The following CCDC157 variants were observed in gnomAD, a reference collection of about 807,000 sequenced individuals.
The protein encoded by CCDC157 is coiled-coil domain containing 157, also known as coiled-coil domain-containing protein 157.
CCDC157 carries 60 observed loss-of-function variants against 70.9 expected under a neutral mutation model. That is an observed-to-expected ratio of 0.85 (90% CI 0.69 to 1.05). The LOEUF is 1.05. Among genes scored for constraint, CCDC157 ranks in the 50% least tolerant of loss-of-function variants. The probability of loss-of-function intolerance (pLI) is 0.00; values close to 1 mark genes in which losing one functional copy is unlikely to be tolerated. For synonymous variants in CCDC157, 373 were observed against 422.4 expected, an observed-to-expected ratio of 0.88 and a Z score of 1.43; for missense variants, 943 against 984.2, an observed-to-expected ratio of 0.96 and a Z score of 0.56.
chr22:30,373,957 G>T lies in CCDC157; in HGVS notation c.1538G>T (p.Gly513Val), dbSNP rs1483784989. The T allele has an allele frequency of 1.2e-6, 2 of 1,612,528 alleles. No homozygotes were observed. The highest frequency in any genetic ancestry group is 4.5e-5 in the East Asian group (2 of 44,856). ...CAGAGCCTGCAGAGGGAGAAGCAAG[G>T]CCTGGAGCAGGCGACTACGGACCTG... ...LLQSLQREKQ[G>V]LEQATTDLRL... Residue 513 changes from glycine (G) to valine (V), a missense_variant, in exon 9 of 12, where the codon GGC (glycine) becomes GTC (valine). Gly to Val is a moderately radical substitution (Grantham distance 109). Coordinates refer to ENST00000338306, the MANE Select transcript of CCDC157 (RefSeq NM_001017437.5).
chr22:30,356,830 C>A, upstream of CCDC157: 4 of 1,310,284 alleles, frequency 3.1e-6, no homozygotes, highest in Non-Finnish European at 2.9e-6. Context: ...GCCTCGGTGT[C>A]GGTGAGCGGT....
Position 30,366,256 on chromosome 22 carries a change from C to A in CCDC157, c.248+8C>A, listed in dbSNP as rs377414522. 3.1e-6 allele frequency: 5 copies of A among 1,613,554 alleles called. No homozygotes were observed. Among genetic ancestry groups the A allele is most frequent in the Non-Finnish European group, 3.4e-6 (4 of 1,179,798 alleles). ...GGAGCTGGTCATCGACAGGTGAGGG[C>A]CTTGACCAAGCCTGGTCATCTCAGG... On this transcript the variant is annotated splice_region_variant and intron_variant, in intron 3 of 11. Coordinates refer to ENST00000338306, the MANE Select transcript of CCDC157 (RefSeq NM_001017437.5).
chr22:30,363,448 C>G (rs1932490182), intron 2 of CCDC157, among the ~76,000 whole-genome samples: 1 of 152,006 alleles, frequency 6.6e-6, no homozygotes, highest in Non-Finnish European at 1.5e-5. Flanking sequence ...GACCAAGCAC[C>G]TTACTCATGA....
At chr22:30,374,122 G>T in intron 9 of CCDC157, 31 bp downstream of exon 9, 1 of 1,564,402 alleles carries the variant, frequency 6.4e-7, no homozygotes, top group Non-Finnish European at 8.7e-7. Context: ...CCAAGGGCAT[G>T]CTGGGGCTCA....
chr22:30,372,367 G>GA, intron 7 of CCDC157, 81 bp downstream of exon 7: 4 of 1,436,290 alleles, frequency 2.8e-6, no homozygotes, highest in Non-Finnish European at 3.6e-6. Context: ...GGGAATGGGG[G>GA]ATCATCTATA....
chr22:30,368,826 C>T (rs1932817948), intron 3 of CCDC157: 1 of 152,244 alleles, frequency 6.6e-6, no homozygotes, highest in Non-Finnish European at 1.5e-5. Context: ...GCAAACTTAG[C>T]TTTTTATTAT....
intron 5 of CCDC157, 118 bp from the exon 6 acceptor site, chr22:30,371,532 C>T (rs1160690789): frequency 9.8e-6 from 8 of 819,990 alleles, no homozygotes; most frequent in East Asian, 2.6e-5. Context: ...CTCCCATGGC[C>T]GCAGGCGGCC....
intron 3 of CCDC157, among the ~76,000 whole-genome samples, chr22:30,368,649 G>A (rs1352826013): frequency 6.6e-6 from 1 of 152,146 alleles, no homozygotes; most frequent in African/African-American, 2.4e-5. Flanking sequence ...AGAGAGGGGC[G>A]GGGCCTTGGA....
chr22:30,375,633 C>G lies in CCDC157; in HGVS notation c.1827C>G (p.Ile609Met), dbSNP rs1409597974. The change falls in exon 10 of 12, where the codon ATC becomes ATG. Residue 609 changes from isoleucine to methionine, a missense_variant. Transcript: ENST00000338306. ...GGCTCCAATCAATGCTGTCCAAAAT[C>G]CGGGAAGTGGCCCAGCAGGGTGGCC... Reference protein sequence around the residue: ...NGRLQSMLSKIREVAQQGGLK... With the variant: ...NGRLQSMLSKMREVAQQGGLK... 2 of 1,613,824 alleles carry G rather than the reference C, an allele frequency of 1.2e-6. No homozygotes were observed. Among genetic ancestry groups the G allele is most frequent in the East Asian group, 2.2e-5 (1 of 44,892 alleles).
At position 30,376,920 on chromosome 22, in the gene CCDC157, G is replaced by A. The variant is rs1011581069; in HGVS notation, c.*175G>A. ...ACTGAGTCCCCAGCCATGTAGTTCAGTCAGTCAGCAGAGTCCTGGCACTAT... is the reference window on the plus strand; with the variant it reads ...ACTGAGTCCCCAGCCATGTAGTTCAATCAGTCAGCAGAGTCCTGGCACTAT... On this transcript the variant is annotated 3_prime_UTR_variant, in exon 12 of 12. Coordinates refer to ENST00000338306, the MANE Select transcript of CCDC157 (RefSeq NM_001017437.5). 7 of 647,854 alleles carry A rather than the reference G, an allele frequency of 1.1e-5. No individual in the cohort carries two copies. Among genetic ancestry groups the A allele is most frequent in the Non-Finnish European group, 2.6e-6 (1 of 380,022 alleles). The allele number at this position is 647,854 out of a possible 1,614,324, so 40.1% of individuals were successfully genotyped here. A position where few individuals can be genotyped will look rare whatever the true frequency, so the allele number is the denominator to read the frequency against.
intron 3 of CCDC157, chr22:30,366,554 G>A: frequency 2.3e-6 from 1 of 439,890 alleles, no homozygotes; most frequent in Non-Finnish European, 4.4e-6. Context: ...GCCTCTCCCA[G>A]CTGCCTCCTC....
chr22:30,356,960 T>C (rs1013860828), upstream of CCDC157: 7 of 530,348 alleles, frequency 1.3e-5, no homozygotes, highest in Admixed American at 4.4e-5. Flanking sequence ...CCCCTCGCCG[T>C]GACGCGCTTC....
chr22:30,375,438 T>A, intron 9 of CCDC157, 41 bp from the exon 10 acceptor site: 1 of 1,603,858 alleles, frequency 6.2e-7, no homozygotes, highest in Non-Finnish European at 8.5e-7. Context: ...CTGCCCAAGC[T>A]GGTGTGCCTC....
In CCDC157 at chr22:30,375,663, G is replaced by A. The variant is rs757134008; in HGVS notation, c.1857G>A (p.Lys619=). The change falls in exon 10 of 12, where the codon AAG becomes AAA. Residue 619 remains lysine, a splice_region_variant and synonymous_variant. Transcript: ENST00000338306. ...IREVAQQGGL[K]LIPQDRLWSP... The stretch of plus-strand genomic sequence containing the variant: ...AAGTGGCCCAGCAGGGTGGCCTCAA[G>A]GTGGGCCTGAGAGGGCGGGCCCTTG... 1 of 1,611,910 alleles carries A rather than the reference G, an allele frequency of 6.2e-7. No individual in the cohort carries two copies. Among genetic ancestry groups the A allele is most frequent in the Non-Finnish European group, 8.5e-7 (1 of 1,178,888 alleles).
upstream of CCDC157, chr22:30,356,762 G>T (rs762353088): frequency 1.3e-6 from 2 of 1,482,870 alleles, no homozygotes; most frequent in Non-Finnish European, 1.8e-6. Context: ...GGCGGCGGCG[G>T]GGGCACCGCC....
At position 30,375,634 on chromosome 22, in the gene CCDC157, C is replaced by T. The variant is rs376667398; in HGVS notation, c.1828C>T (p.Arg610Trp). The T allele has an allele frequency of 7.6e-5, 122 of 1,613,872 alleles. No homozygotes were observed. In the Admixed American group the frequency reaches 1.7e-3, roughly 23 times the overall value. Residue 610 changes from arginine (R) to tryptophan (W), a missense_variant, in exon 10 of 12, where the codon CGG becomes TGG. By Grantham distance (101) the Arg-to-Trp change is moderately radical (BLOSUM62 -3). Coordinates refer to ENST00000338306, the MANE Select transcript of CCDC157 (RefSeq NM_001017437.5). The part of the protein sequence containing the change: ...GRLQSMLSKI[R>W]EVAQQGGLKL... The stretch of plus-strand genomic sequence containing the variant: ...GCTCCAATCAATGCTGTCCAAAATC[C>T]GGGAAGTGGCCCAGCAGGGTGGCCT...
rs779076098 is a variant in CCDC157, at chr22:30,372,071, G to A, written c.1124-4G>A. 6 of 1,533,426 alleles carry A rather than the reference G, an allele frequency of 3.9e-6. No individual in the cohort carries two copies. Among genetic ancestry groups the A allele is most frequent in the South Asian group, 1.2e-5 (1 of 83,474 alleles). 95.0% of individuals were successfully genotyped at this position (1,533,426 alleles called of 1,614,324 possible). A position where few individuals can be genotyped will look rare whatever the true frequency, so the allele number is the denominator to read the frequency against. The stretch of plus-strand genomic sequence containing the variant: ...CCCCATCCCATGTCCACTTAATGCT[G>A]CAGAGGCAAAGGCCCAGCAGCTGCA... On this transcript the variant is annotated splice_region_variant and splice_polypyrimidine_tract_variant and intron_variant, in intron 6 of 11. Transcript: ENST00000338306.
At chr22:30,357,592 C>T (rs1931989969) in intron 1 of CCDC157, among the ~76,000 whole-genome samples, 2 of 152,202 alleles carry the variant, frequency 1.3e-5, no homozygotes, top group South Asian at 2.1e-4. Flanking sequence ...GCAACCTCCG[C>T]CTCCCGAGTT....
Position 30,370,494 on chromosome 22 carries a change from C to A in CCDC157, c.589C>A (p.Gln197Lys). The change falls in exon 5 of 12, where the codon CAG becomes AAG. Residue 197 changes from glutamine (Q) to lysine (K), a missense_variant. By Grantham distance (53) the Gln-to-Lys change is moderately conservative. Transcript: ENST00000338306. ...PESIPVRASL[Q>K]FPATTFKNTR... is the part of the protein sequence containing the mutation. Reference sequence around the variant, plus strand: ...GAGCATCCCTGTCAGAGCCTCCCTGCAGTTCCCAGCCACGACCTTCAAGAA... The same window carrying A: ...GAGCATCCCTGTCAGAGCCTCCCTGAAGTTCCCAGCCACGACCTTCAAGAA... The A allele has an allele frequency of 6.2e-7, 1 of 1,614,108 alleles. No individual in the cohort carries two copies. The highest frequency in any genetic ancestry group is 1.3e-5 in the African/African-American group (1 of 75,060).
Sources: gnomAD v4.1 joint callset for allele counts (sites outside exome capture counted in the v4.1 genomes callset) on GRCh38, gnomAD v4.1.1 for gene constraint, MANE v1.5 for transcripts, NCBI Gene and HGNC (gene_info 2026-07-23, HGNC 2026-07-21) for gene names.